Variants in ST6GALNAC3 observed in about 807,000 individuals in gnomAD.
The protein encoded by ST6GALNAC3 is ST6 N-acetylgalactosaminide alpha-2,6-sialyltransferase 3.
Under a neutral mutation model 32.7 loss-of-function variants are expected in ST6GALNAC3, and 25 were observed. That is an observed-to-expected ratio of 0.76 (90% CI 0.56 to 1.07). The LOEUF is 1.07. Among genes scored for constraint, ST6GALNAC3 ranks in the 50% least tolerant of loss-of-function variants. The pLI is 0.00. For synonymous variants in ST6GALNAC3, 129 were observed against 133.1 expected, an observed-to-expected ratio of 0.97 and a Z score of 0.21; for missense variants, 355 against 382.4, an observed-to-expected ratio of 0.93 and a Z score of 0.60.
At chr1:76,270,939 G>A (rs1658810791) in intron 1 of ST6GALNAC3, among the ~76,000 whole-genome samples, 1 of 152,182 alleles carries the variant, frequency 6.6e-6, no homozygotes, top group Non-Finnish European at 1.5e-5. Flanking sequence ...TTGTCAGTGT[G>A]CTTGAATTCA....
chr1:76,144,219 A>G (rs1033162166), intron 1 of ST6GALNAC3, among the ~76,000 whole-genome samples: 8 of 152,176 alleles, frequency 5.3e-5, no homozygotes, highest in South Asian at 2.1e-4. Context: ...CTTGGCCACA[A>G]TGGAAGGAGG....
intron 1 of ST6GALNAC3, among the ~76,000 whole-genome samples, chr1:76,191,844 A>G (rs192265233): frequency 2.1e-4 from 32 of 151,962 alleles, no homozygotes; most frequent in African/African-American, 7.2e-4. Context: ...TAGCTTGTGT[A>G]TTGAGGAAAC....
chr1:76,396,265 G>C (rs1248377715), intron 2 of ST6GALNAC3, among the ~76,000 whole-genome samples: 2 of 152,108 alleles, frequency 1.3e-5, no homozygotes, highest in Non-Finnish European at 2.9e-5. Flanking sequence ...AGGAGTTCGA[G>C]ACCAGCCTGG....
intron 3 of ST6GALNAC3, among the ~76,000 whole-genome samples, chr1:76,502,703 G>C (rs143080918): frequency 3.3e-5 from 5 of 151,948 alleles, no homozygotes; most frequent in Non-Finnish European, 7.4e-5. Flanking sequence ...GAAGTTGGGG[G>C]GTAAGTATTT....
chr1:76,438,205 G>A (rs1656295462), intron 3 of ST6GALNAC3, among the ~76,000 whole-genome samples: 2 of 150,826 alleles, frequency 1.3e-5, no homozygotes, highest in African/African-American at 2.5e-5. Context: ...AGGCTGGAGT[G>A]CAGTGGCGCG....
At chr1:76,195,440 CA>C (rs1470067080) in intron 1 of ST6GALNAC3, among the ~76,000 whole-genome samples, 1 of 152,166 alleles carries the variant, frequency 6.6e-6, no homozygotes, top group Non-Finnish European at 1.5e-5. Context: ...AATGTGTACT[CA>C]AGGTTTAATA....
At chr1:76,375,334 G>A (rs953960971) in intron 2 of ST6GALNAC3, among the ~76,000 whole-genome samples, 1 of 152,096 alleles carries the variant, frequency 6.6e-6, no homozygotes, top group African/African-American at 2.4e-5. Flanking sequence ...GCAAGGAAGT[G>A]AATAAAGAAG....
chr1:76,620,553 G>A (rs1013763913), intron 3 of ST6GALNAC3, among the ~76,000 whole-genome samples: 1 of 152,040 alleles, frequency 6.6e-6, no homozygotes, highest in African/African-American at 2.4e-5. Context: ...TCTTGTAGAT[G>A]GCTGCCCTCT....
At chr1:76,487,015 A>T (rs537120788) in intron 3 of ST6GALNAC3, among the ~76,000 whole-genome samples, 6 of 152,052 alleles carry the variant, frequency 3.9e-5, no homozygotes. Flanking sequence ...GAAATTCTGG[A>T]TTGAAAATTC....
In ST6GALNAC3 at chr1:76,576,799, T is replaced by C. The variant is rs1383772800; in HGVS notation, c.624-50653T>C. The C allele has an allele frequency of 4.7e-6, 6 of 1,282,078 alleles. No individual in the cohort carries two copies. The South Asian group carries it at 7.5e-5, about 16-fold the overall frequency. The allele number at this position is 1,282,078 out of a possible 1,614,324, so 79.4% of individuals were successfully genotyped here. ...TAGCTAAAGTAGTGATTTGCATGTCTAACTAATTTTCTTCTGCCATTTCTT... is the reference window on the plus strand; with the variant it reads ...TAGCTAAAGTAGTGATTTGCATGTCCAACTAATTTTCTTCTGCCATTTCTT... On this transcript the variant is annotated intron_variant, in intron 3 of 4. Transcript: ENST00000328299.
At chr1:76,079,464 C>T (rs1029128247) in intron 1 of ST6GALNAC3, among the ~76,000 whole-genome samples, 1 of 152,144 alleles carries the variant, frequency 6.6e-6, no homozygotes, top group Non-Finnish European at 1.5e-5. Flanking sequence ...ATTGTATTAA[C>T]TTTTATATTG....
chr1:76,238,946 A>G (rs893972420), intron 1 of ST6GALNAC3, among the ~76,000 whole-genome samples: 6 of 125,148 alleles, frequency 4.8e-5, no homozygotes, highest in Non-Finnish European at 9.8e-5. Context: ...TTTCCCACTA[A>G]CCTTTTTTTT....
chr1:76,605,858 C>A (rs1647500821), intron 3 of ST6GALNAC3, among the ~76,000 whole-genome samples: 1 of 12,498 alleles, frequency 8.0e-5, no homozygotes, highest in African/African-American at 3.7e-4. Flanking sequence ...GAGGGAGACT[C>A]CATAAAAAAA....
intron 3 of ST6GALNAC3, 93 bp downstream of exon 3, chr1:76,412,510 A>G (rs1654331265): frequency 1.5e-6 from 2 of 1,290,948 alleles, no homozygotes; most frequent in Non-Finnish European, 2.1e-6. Flanking sequence ...ATGAACAGTT[A>G]TTTATTTACG....
intron 1 of ST6GALNAC3, among the ~76,000 whole-genome samples, chr1:76,299,965 T>C (rs561346764): frequency 1.8e-3 from 272 of 152,086 alleles, no homozygotes; most frequent in Non-Finnish European, 3.4e-3. Context: ...TCAGTGGACA[T>C]TTAAAATTCC....
At chr1:76,479,084 C>T (rs1336527538) in intron 3 of ST6GALNAC3, among the ~76,000 whole-genome samples, 3 of 152,000 alleles carry the variant, frequency 2.0e-5, no homozygotes, top group Non-Finnish European at 4.4e-5. Context: ...TAAGAGTCTT[C>T]CTAGAACACT....
intron 1 of ST6GALNAC3, among the ~76,000 whole-genome samples, chr1:76,174,663 C>CTTTTTTTTTTTTTTT (rs59269306): frequency 2.1e-5 from 3 of 140,110 alleles, no homozygotes; most frequent in Non-Finnish European, 1.5e-5. Flanking sequence ...TTTTTCTTTT[C>CTTTTTTTTTTTTTTT]TTTTTTTTTT....
chr1:76,452,091 C>T, intron 3 of ST6GALNAC3, among the ~76,000 whole-genome samples: 1 of 152,222 alleles, frequency 6.6e-6, no homozygotes, highest in East Asian at 1.9e-4. Context: ...TGTGTCCCCA[C>T]TCAGATCTCA....
chr1:76,303,867 A>G (rs1025571985), intron 1 of ST6GALNAC3, among the ~76,000 whole-genome samples: 48 of 152,126 alleles, frequency 3.2e-4, no homozygotes, highest in African/African-American at 1.1e-3. Flanking sequence ...CCTAGTAAAA[A>G]GTCCAGTTTA....
Sources: gnomAD v4.1 joint callset for allele counts (sites outside exome capture counted in the v4.1 genomes callset) on GRCh38, gnomAD v4.1.1 for gene constraint, MANE v1.5 for transcripts, NCBI Gene and HGNC (gene_info 2026-07-23, HGNC 2026-07-21) for gene names.